LIPJ: variants seen among roughly 807,000 people sequenced by gnomAD.
LIPJ encodes lipase member J.
In LIPJ, 33 loss-of-function variants were observed where a neutral mutation model predicts 39.8. The observed-to-expected ratio is 0.83, with a 90% CI of 0.63 to 1.11. The LOEUF is 1.11. Ranked by LOEUF, LIPJ falls within the 50% of genes least tolerant of loss-of-function variation. The pLI is 0.00. For synonymous variants in LIPJ, 128 were observed against 139.2 expected (o/e 0.92, Z 0.57); for missense variants, 422 against 427.9 (o/e 0.99, Z 0.12).
At chr10:88,588,169 TAAAC>T (rs908137304) in intron 2 of LIPJ, among the ~76,000 whole-genome samples, 3 of 151,904 alleles carry the variant, frequency 2.0e-5, no homozygotes, top group Admixed American at 6.6e-5. Flanking sequence ...TGACTATAAA[TAAAC>T]AATTTTCTCT....
upstream of LIPJ, chr10:88,583,208 A>T: frequency 1.9e-6 from 3 of 1,613,296 alleles, no homozygotes; most frequent in East Asian, 2.2e-5. Flanking sequence ...GGGAGCAGCG[A>T]TCCGCGCTGA....
the LIPJ span, among the ~76,000 whole-genome samples, chr10:88,620,734 A>G: frequency 6.6e-6 from 1 of 152,210 alleles, no homozygotes; most frequent in African/African-American, 2.4e-5. Flanking sequence ...ATAACTGTTG[A>G]GTAGTTTCTT....
upstream of LIPJ, among the ~76,000 whole-genome samples, chr10:88,586,180 G>A (rs904967381): frequency 6.6e-6 from 1 of 152,070 alleles, no homozygotes; most frequent in African/African-American, 2.4e-5. Flanking sequence ...ATTTTGGATT[G>A]CTATGGTCAT....
chr10:88,584,942 C>A (rs76193068), upstream of LIPJ, among the ~76,000 whole-genome samples: 1,076 of 152,226 alleles, frequency 7.1e-3, 18 homozygotes, highest in African/African-American at 0.025. Flanking sequence ...GATACTATGT[C>A]AAAAGCCTTA....
At chr10:88,596,893 T>G in exon 8 of LIPJ, 1 of 1,586,828 alleles carries the variant, frequency 6.3e-7, no homozygotes, top group Non-Finnish European at 8.6e-7. Flanking sequence ...TGCCTCAATA[T>G]CTTGTTTATG....
chr10:88,606,192 A>G (rs957822912), intron 10 of LIPJ, among the ~76,000 whole-genome samples: 4 of 152,150 alleles, frequency 2.6e-5, no homozygotes, highest in Non-Finnish European at 5.9e-5. Context: ...TCCAAAGTTT[A>G]TGCTTTTCCT....
At chr10:88,619,875 C>T in the LIPJ span, among the ~76,000 whole-genome samples, 8 of 151,302 alleles carry the variant, frequency 5.3e-5, no homozygotes, top group East Asian at 5.8e-4. Flanking sequence ...ACAAAAAGCA[C>T]GATCTATGAA....
upstream of LIPJ, chr10:88,583,382 C>G (rs973224610): frequency 3.2e-5 from 45 of 1,391,550 alleles, no homozygotes; most frequent in Non-Finnish European, 3.5e-5. Flanking sequence ...GAGGCCCCTC[C>G]GTCCTTGAGG....
chr10:88,614,277 TAATTC>T, the LIPJ span, among the ~76,000 whole-genome samples: 1 of 152,088 alleles, frequency 6.6e-6, no homozygotes, highest in East Asian at 1.9e-4. Flanking sequence ...TGCTTCAAAA[TAATTC>T]AGTGCAGGGG....
intron 8 of LIPJ, among the ~76,000 whole-genome samples, chr10:88,601,243 T>A (rs1052351900): frequency 3.3e-5 from 5 of 152,076 alleles, no homozygotes; most frequent in Non-Finnish European, 5.9e-5. Context: ...ATCCCATCCA[T>A]GAGGGCAGAG....
chr10:88,616,795 C>T, the LIPJ span, among the ~76,000 whole-genome samples: 1 of 152,204 alleles, frequency 6.6e-6, no homozygotes, highest in Non-Finnish European at 1.5e-5. Flanking sequence ...TGGGGCTTTG[C>T]CAGAAGCCAC....
chr10:88,615,221 C>T, the LIPJ span, among the ~76,000 whole-genome samples: 1 of 152,056 alleles, frequency 6.6e-6, no homozygotes, highest in Non-Finnish European at 1.5e-5. Context: ...AGAATTTCTA[C>T]AAATTGATTT....
At chr10:88,597,541 T>C (rs555264169) in intron 8 of LIPJ, among the ~76,000 whole-genome samples, 42 of 152,014 alleles carry the variant, frequency 2.8e-4, no homozygotes, top group African/African-American at 9.6e-4. Context: ...ATGTGCCATT[T>C]GGACTAGAGG....
chr10:88,619,267 A>T, the LIPJ span, among the ~76,000 whole-genome samples: 1 of 151,442 alleles, frequency 6.6e-6, no homozygotes, highest in African/African-American at 2.4e-5. Context: ...TGGTCTGGGC[A>T]AGTCACTTCG....
chr10:88,607,784 T>C (rs1851703288), downstream of LIPJ, among the ~76,000 whole-genome samples: 1 of 152,206 alleles, frequency 6.6e-6, no homozygotes, highest in African/African-American at 2.4e-5. Context: ...CTAAACTCTC[T>C]CTCAAAATTG....
At chr10:88,584,782 C>T (rs1299734125), upstream of LIPJ, among the ~76,000 whole-genome samples, 7 of 152,028 alleles carry the variant, frequency 4.6e-5, no homozygotes, top group Non-Finnish European at 8.8e-5. Context: ...GGTGTGTATA[C>T]TTTATGTAGA....
chr10:88,583,370 G>T, upstream of LIPJ: 13 of 1,395,232 alleles, frequency 9.3e-6, no homozygotes, highest in Non-Finnish European at 1.1e-5. Context: ...GGCCGGAGCT[G>T]AGAGGCCCCT....
chr10:88,591,214 A>G (rs1851069724), intron 3 of LIPJ, among the ~76,000 whole-genome samples, 164 bp from the exon 4 acceptor site: 1 of 151,860 alleles, frequency 6.6e-6, no homozygotes, highest in Non-Finnish European at 1.5e-5. Flanking sequence ...ACAAATATTT[A>G]TTATCTGTAT....
chr10:88,615,961 C>T, the LIPJ span, among the ~76,000 whole-genome samples: 2,736 of 152,246 alleles, frequency 0.018, 63 homozygotes, highest in South Asian at 0.084. Context: ...CCTGTAACTC[C>T]AACACTTTGG....
Sources: gnomAD v4.1 joint callset for allele counts (sites outside exome capture counted in the v4.1 genomes callset) on GRCh38, gnomAD v4.1.1 for gene constraint, MANE v1.5 for transcripts, NCBI Gene and HGNC (gene_info 2026-07-23, HGNC 2026-07-21) for gene names.